Variants in EFHC2 observed in about 807,000 individuals in gnomAD.
EFHC2 encodes EF-hand domain-containing family member C2.
A neutral mutation model predicts 52.7 loss-of-function variants in EFHC2; 18 were observed. The observed-to-expected ratio is 0.34, with a 90% confidence interval of 0.24 to 0.51. The LOEUF is 0.51. EFHC2 is among the 20% of genes least tolerant of loss of function. EFHC2 has a pLI of 0.97. For missense variants in EFHC2, 513 were observed against 562.5 expected (o/e 0.91, Z 0.89); for synonymous variants, 203 against 204.1 (o/e 0.99, Z 0.04).
At chrX:44,289,462 A>G (rs1404455125) in intron 2 of EFHC2, among the ~76,000 whole-genome samples, 1 of 110,991 alleles carries the variant, frequency 9.0e-6, no homozygotes, top group Non-Finnish European at 1.9e-5. Context: ...AGTTATAGAC[A>G]TGGCTTCATT....
At chrX:44,307,843 A>G (rs2037917143) in intron 2 of EFHC2, among the ~76,000 whole-genome samples, 1 of 110,434 alleles carries the variant, frequency 9.1e-6, no homozygotes, top group Non-Finnish European at 1.9e-5. Flanking sequence ...CTGAGACAGG[A>G]GAATTGCTTG....
chrX:44,336,429 C>T (rs1436675840), intron 1 of EFHC2, among the ~76,000 whole-genome samples: 1 of 109,894 alleles, frequency 9.1e-6, no homozygotes, highest in Non-Finnish European at 1.9e-5. Flanking sequence ...TACCACTATA[C>T]ACCTATTAAA....
At chrX:44,209,402 G>A (rs961890760) in intron 11 of EFHC2, among the ~76,000 whole-genome samples, 1 of 110,345 alleles carries the variant, frequency 9.1e-6, no homozygotes, top group African/African-American at 3.3e-5. Context: ...ATTCACAGAC[G>A]ACAGGACCAT....
intron 1 of EFHC2, among the ~76,000 whole-genome samples, chrX:44,335,720 A>G (rs1399137766): frequency 8.9e-6 from 1 of 112,204 alleles, no homozygotes; most frequent in Non-Finnish European, 1.9e-5. Context: ...AAAACCCTAT[A>G]ATCCTTAATT....
chrX:44,293,082 T>A (rs753791943), intron 2 of EFHC2, among the ~76,000 whole-genome samples: 6 of 107,313 alleles, frequency 5.6e-5, no homozygotes, highest in African/African-American at 1.0e-4. Flanking sequence ...GTTCAAGCAA[T>A]TCCCCTGCCT....
intron 1 of EFHC2, among the ~76,000 whole-genome samples, chrX:44,322,679 G>A (rs1009054692): frequency 8.9e-6 from 1 of 111,968 alleles, no homozygotes; most frequent in African/African-American, 3.2e-5. Flanking sequence ...AGGACTAAGT[G>A]AGAGAATATC....
At chrX:44,333,712 T>TG (rs1290850049) in intron 1 of EFHC2, among the ~76,000 whole-genome samples, 1 of 108,896 alleles carries the variant, frequency 9.2e-6, no homozygotes, top group African/African-American at 3.3e-5. Flanking sequence ...AAGTAGATGG[T>TG]GAAAAAAAAA....
intron 11 of EFHC2, among the ~76,000 whole-genome samples, chrX:44,221,157 G>A (rs1022542371): frequency 3.9e-4 from 44 of 111,500 alleles, no homozygotes; most frequent in Non-Finnish European, 7.4e-4. Context: ...TGATTTTATA[G>A]GAGTTCTTAA....
At chrX:44,290,166 C>T (rs1222013566) in intron 2 of EFHC2, among the ~76,000 whole-genome samples, 4 of 111,638 alleles carry the variant, frequency 3.6e-5, no homozygotes, top group Non-Finnish European at 1.9e-5. Flanking sequence ...TTTTCCATTG[C>T]ATTTCAGGAG....
At chrX:44,211,523 A>G (rs1158924337) in intron 11 of EFHC2, among the ~76,000 whole-genome samples, 4 of 106,255 alleles carry the variant, frequency 3.8e-5, no homozygotes, top group African/African-American at 1.4e-4. Context: ...GTGAGACTCC[A>G]TCTCAAACAA....
At position 44,313,095 on chromosome X, in the gene EFHC2, CAA is replaced by C. The variant is rs1276344069; in HGVS notation, c.43-341_43-340del. Among the ~76,000 whole-genome samples the C allele has an allele frequency of 4.7e-3, 236 of 50,002 alleles. 1 individual carries two copies. The highest frequency in any genetic ancestry group is 0.017 in the Middle Eastern group (1 of 59). The allele number at this position is 50,002 out of a possible 115,157, so 43.4% of individuals were successfully genotyped here. ...ACTTGTTTGCCAAGAATGCAAACAG[CAA>C]AAAAAAAAAAAAAAAGAAAGAAAGA... On this transcript the variant is annotated intron_variant, in intron 1 of 14. Coordinates refer to ENST00000420999, the MANE Select transcript of EFHC2 (RefSeq NM_025184.4).
At chrX:44,311,953 C>G (rs2037950703) in intron 2 of EFHC2, among the ~76,000 whole-genome samples, 1 of 112,234 alleles carries the variant, frequency 8.9e-6, no homozygotes, top group South Asian at 3.6e-4. Flanking sequence ...GACAGATTAT[C>G]CTGTCCAGTG....
rs151297134 is a variant in EFHC2 at position 44,234,369 on chromosome X, T to C, written c.1423+936A>G. ...TAAGAGCATGACTTATATTCATCCC[T>C]AGGCAATTTCATATTTTAAGATTTG... On this transcript the variant is annotated intron_variant, in intron 9 of 14. Transcript: ENST00000420999. Among the ~76,000 whole-genome samples the C allele has an allele frequency of 9.5e-3, 1,065 of 112,253 alleles. 16 individuals carry two copies. The highest frequency in any genetic ancestry group is 0.033 in the African/African-American group (1,015 of 30,858).
intron 14 of EFHC2, among the ~76,000 whole-genome samples, chrX:44,149,407 A>G (rs1337541885): frequency 1.8e-5 from 2 of 112,682 alleles, no homozygotes; most frequent in Non-Finnish European, 3.8e-5. Context: ...ATAGACAAGA[A>G]AAAGAAATGT....
intron 2 of EFHC2, among the ~76,000 whole-genome samples, chrX:44,309,062 C>A (rs1439563661): frequency 8.9e-6 from 1 of 112,813 alleles, no homozygotes; most frequent in East Asian, 2.8e-4. Flanking sequence ...AGAGGGTCAA[C>A]CCTCACTTTA....
At chrX:44,310,105 A>C (rs997698921) in intron 2 of EFHC2, 8 of 708,343 alleles carry the variant, frequency 1.1e-5, no homozygotes, top group East Asian at 6.4e-5. Flanking sequence ...GATATAAAAT[A>C]TCTCTCCTCG....
intron 11 of EFHC2, among the ~76,000 whole-genome samples, chrX:44,190,918 T>C (rs1165581847): frequency 9.0e-6 from 1 of 111,643 alleles, no homozygotes; most frequent in Non-Finnish European, 1.9e-5. Context: ...TCCCACCTTG[T>C]ACCCTGAGCT....
intron 2 of EFHC2, among the ~76,000 whole-genome samples, chrX:44,300,069 A>G (rs945739277): frequency 5.4e-5 from 6 of 111,830 alleles, no homozygotes; most frequent in African/African-American, 1.6e-4. Context: ...TACAAAATAA[A>G]GGAAGGTAAA....
chrX:44,162,822 G>A (rs909987836), intron 14 of EFHC2, among the ~76,000 whole-genome samples: 4 of 110,769 alleles, frequency 3.6e-5, no homozygotes, highest in Non-Finnish European at 7.6e-5. Flanking sequence ...TCCCATGCAG[G>A]CTGTATCATG....
Sources: allele counts gnomAD v4.1 joint callset (sites outside exome capture counted in the v4.1 genomes callset), GRCh38; gene constraint gnomAD v4.1.1; transcripts MANE v1.5; gene names NCBI Gene and HGNC (gene_info 2026-07-23, HGNC 2026-07-21).